FBXW12: variants seen among roughly 807,000 people sequenced by gnomAD.
FBXW12 encodes the protein F-box and WD repeat domain containing 12, also known as F-box/WD repeat-containing protein 12.
A neutral mutation model predicts 55.3 loss-of-function variants in FBXW12; 43 were observed. That is an observed-to-expected ratio of 0.78 (90% CI 0.61 to 1.00). The LOEUF (loss-of-function observed/expected upper bound fraction) is 1.00, where lower values mean the gene tolerates loss of function less well. Among genes scored for constraint, FBXW12 ranks in the 50% least tolerant of loss-of-function variants. FBXW12 has a pLI of 0.00. For missense variants in FBXW12, 524 were observed against 560.5 expected (o/e 0.93, Z 0.66); for synonymous variants, 184 against 203.8 (o/e 0.90, Z 0.83).
In FBXW12 at chr3:48,381,804, T is replaced by C. The variant is rs1313028757; in HGVS notation, c.1090T>C (p.Leu364=). ...MIVFTSGPYL[L]LFSITGFLLQ... Reference sequence around the variant, plus strand: ...TGTCTTTACCAGTGGACCATACTTGTTACTCTTCAGCATCACTGGCTTCCT... The same window carrying C: ...TGTCTTTACCAGTGGACCATACTTGCTACTCTTCAGCATCACTGGCTTCCT... Residue 364 remains leucine (L), a synonymous_variant, in exon 9 of 11, where the codon TTA becomes CTA. Coordinates refer to ENST00000296438, the MANE Select transcript of FBXW12 (RefSeq NM_207102.2). 6.2e-7 allele frequency: 1 copy of C among 1,612,412 alleles called. No individual in the cohort carries two copies. The highest frequency in any genetic ancestry group is 8.5e-7 in the Non-Finnish European group (1 of 1,178,746).
intron 6 of FBXW12, among the ~76,000 whole-genome samples, chr3:48,378,776 G>C (rs2036722699): frequency 1.3e-5 from 2 of 151,914 alleles, no homozygotes; most frequent in Admixed American, 6.6e-5. Context: ...CACCATGCCT[G>C]GCTAATTTTT....
chr3:48,376,295 T>C (rs2036685033), intron 5 of FBXW12, among the ~76,000 whole-genome samples: 1 of 152,176 alleles, frequency 6.6e-6, no homozygotes, highest in Non-Finnish European at 1.5e-5. Context: ...AATTTACTTT[T>C]TAATATGTGT....
At chr3:48,385,368 GTGTA>G (rs746944537) in intron 10 of FBXW12, among the ~76,000 whole-genome samples, 56 of 147,792 alleles carry the variant, frequency 3.8e-4, no homozygotes, top group African/African-American at 1.4e-3. Flanking sequence ...GTGTGTGTGT[GTGTA>G]TGTATCTACA....
Position 48,372,773 on chromosome 3 carries a change from G to A in FBXW12, c.6G>A (p.Glu2=), listed in dbSNP as rs765169889. Reference sequence around the variant, plus strand: ...GTGGGTTCAGGCCGCATGAAATGGAGATCCGATTGCCTGACTTAGCTTTGA... The same window carrying A: ...GTGGGTTCAGGCCGCATGAAATGGAAATCCGATTGCCTGACTTAGCTTTGA... M[E]IRLPDLALKR... The change falls in exon 2 of 11, where the codon GAG becomes GAA. Residue 2 remains glutamate, a synonymous_variant. Transcript: ENST00000296438. 2 of 1,614,216 alleles carry A rather than the reference G, an allele frequency of 1.2e-6. No homozygotes were observed. Among genetic ancestry groups the A allele is most frequent in the Non-Finnish European group, 1.7e-6 (2 of 1,180,040 alleles).
At chr3:48,389,953 G>A (rs1286139840) in intron 10 of FBXW12, among the ~76,000 whole-genome samples, 6 of 152,172 alleles carry the variant, frequency 3.9e-5, no homozygotes, top group African/African-American at 1.4e-4. Context: ...ATTGAATAGG[G>A]AGTCTTTACG....
Position 48,382,046 on chromosome 3 carries a change from G to C in FBXW12, c.1256G>C (p.Cys419Ser), listed in dbSNP as rs1475918124. 6.2e-7 allele frequency: 1 copy of C among 1,614,042 alleles called. No individual in the cohort carries two copies. Among genetic ancestry groups the C allele is most frequent in the Non-Finnish European group, 8.5e-7 (1 of 1,180,044 alleles). Residue 419 changes from cysteine to serine, a missense_variant, in exon 10 of 11, where the codon TGT becomes TCT. By Grantham distance (112) the Cys-to-Ser change is moderately radical (BLOSUM62 -1). Transcript: ENST00000296438. Reference protein sequence around the residue: ...GGRHPYLRSCCHLENTWHDHT... With the variant: ...GGRHPYLRSCSHLENTWHDHT... Reference sequence around the variant, plus strand: ...CGCCATCCATACCTCAGGAGCTGCTGTCACCTGGAAAACACGTGGCATGAT... The same window carrying C: ...CGCCATCCATACCTCAGGAGCTGCTCTCACCTGGAAAACACGTGGCATGAT...
chr3:48,378,476 C>T lies in FBXW12; in HGVS notation c.565C>T (p.Pro189Ser), dbSNP rs1480594969. ...TCTGGCTGTTCTCCCCATGCCACAG[C>T]CCTGTTATTGCATGGAAGCCTATCT... ...DALAVLPMPQ[P>S]CYCMEAYLTK... The change falls in exon 6 of 11, where the codon CCC becomes TCC. Residue 189 changes from proline (P) to serine (S), a missense_variant. Pro to Ser is a moderately conservative substitution (Grantham distance 74). Coordinates refer to ENST00000296438, the MANE Select transcript of FBXW12 (RefSeq NM_207102.2). The T allele has an allele frequency of 1.2e-6, 2 of 1,613,952 alleles. No homozygotes were observed. Among genetic ancestry groups the T allele is most frequent in the African/African-American group, 1.3e-5 (1 of 74,874 alleles).
At chr3:48,380,227 G>C (rs975188495) in intron 7 of FBXW12, 2 of 156,002 alleles carry the variant, frequency 1.3e-5, no homozygotes, top group African/African-American at 4.9e-5. Context: ...TGGCTGCAAA[G>C]TGTAGAGAAG....
chr3:48,381,631 T>G, intron 8 of FBXW12, 69 bp from the exon 9 acceptor site: 1 of 1,455,776 alleles, frequency 6.9e-7, no homozygotes, highest in Non-Finnish European at 9.2e-7. Context: ...AGGATATTAT[T>G]ATTCAATGAC....
intron 10 of FBXW12, 132 bp from the exon 11 acceptor site, chr3:48,394,428 C>T: frequency 6.7e-6 from 4 of 596,432 alleles, no homozygotes; most frequent in South Asian, 4.1e-5. Flanking sequence ...TATTCAAAAC[C>T]AAATCTAAGA....
In FBXW12 at chr3:48,372,982, G is replaced by C. The variant is rs1272429185; in HGVS notation, c.90+125G>C. The C allele has an allele frequency of 3.2e-6, 3 of 936,652 alleles. No individual in the cohort carries two copies. The African/African-American group carries it at 4.9e-5, about 15-fold the overall frequency. 58.0% of individuals were successfully genotyped at this position (936,652 alleles called of 1,614,324 possible). The stretch of plus-strand genomic sequence containing the variant: ...TGGGGGTTAGCATTCTTCATACTGA[G>C]GGCCTCATATTCTGTTAAACGAAAA... On this transcript the variant is annotated intron_variant, in intron 2 of 10. Coordinates refer to ENST00000296438, the MANE Select transcript of FBXW12 (RefSeq NM_207102.2).
chr3:48,378,944 G>A (rs2036725310), intron 6 of FBXW12, among the ~76,000 whole-genome samples: 1 of 152,150 alleles, frequency 6.6e-6, no homozygotes, highest in African/African-American at 2.4e-5. Flanking sequence ...GTCAATCACA[G>A]TATATCAATG....
chr3:48,376,173 G>A (rs2089435459), intron 5 of FBXW12, among the ~76,000 whole-genome samples: 1 of 151,766 alleles, frequency 6.6e-6, no homozygotes, highest in Non-Finnish European at 1.5e-5. Flanking sequence ...GTAGAGACGG[G>A]GTTTCGCCAT....
chr3:48,394,617 A>C lies in FBXW12; in HGVS notation c.1353A>C (p.Val451=). The change falls in exon 11 of 11, where the codon GTA becomes GTC. Residue 451 remains valine, a synonymous_variant. Transcript: ENST00000296438. ...GCATAGTACTTAGGGTGAGGAAAGT[A>C]AGTGACTCCAGCATTCTGGTGATGT... ...NASIVLRVRK[V]SDSSILVMYS... is the part of the protein sequence containing the mutation. 1 of 1,607,220 alleles carries C rather than the reference A, an allele frequency of 6.2e-7. No individual in the cohort carries two copies. The highest frequency in any genetic ancestry group is 1.1e-5 in the South Asian group (1 of 90,046).
chr3:48,375,381 C>T lies in FBXW12; in HGVS notation c.314C>T (p.Ser105Leu). 6.2e-7 allele frequency: 1 copy of T among 1,611,914 alleles called. No homozygotes were observed. Among genetic ancestry groups the T allele is most frequent in the African/African-American group, 1.3e-5 (1 of 74,884 alleles). The change falls in exon 5 of 11, where the codon TCA becomes TTA. Residue 105 changes from serine (S) to leucine (L), a missense_variant. Transcript: ENST00000296438. ...TTTGAGACGGAGTTGGCTTATCTCTCAGGAAATAGACTTACAGTGGATGAA... is the reference window on the plus strand; with the variant it reads ...TTTGAGACGGAGTTGGCTTATCTCTTAGGAAATAGACTTACAGTGGATGAA... ...IAFETELAYL[S>L]GNRLTVDEQE...
At position 48,394,682 on chromosome 3, in the gene FBXW12, C is replaced by T. The variant is rs1328479037; in HGVS notation, c.*23C>T. 8.2e-6 allele frequency: 10 copies of T among 1,216,834 alleles called. No homozygotes were observed. The highest frequency in any genetic ancestry group is 1.2e-5 in the Non-Finnish European group (10 of 835,558). The allele number at this position is 1,216,834 out of a possible 1,614,324, so 75.4% of individuals were successfully genotyped here. A position where few individuals can be genotyped will look rare whatever the true frequency, so the allele number is the denominator to read the frequency against. ...TAATATGGAAACTAACAAAATTGAC[C>T]TTGCATCATCTTCTGCAATGTAGTA... is the stretch of plus-strand genomic sequence containing the variant. On this transcript the variant is annotated 3_prime_UTR_variant, in exon 11 of 11. Coordinates refer to ENST00000296438, the MANE Select transcript of FBXW12 (RefSeq NM_207102.2).
In FBXW12 at chr3:48,381,839, A is replaced by G. The variant is rs747606595; in HGVS notation, c.1125A>G (p.Arg375=). The G allele has an allele frequency of 6.2e-7, 1 of 1,608,750 alleles. No homozygotes were observed. The highest frequency in any genetic ancestry group is 8.5e-7 in the Non-Finnish European group (1 of 1,176,272). The change falls in exon 9 of 11, where the codon CGA becomes CGG. Residue 375 remains arginine, a synonymous_variant. Coordinates refer to ENST00000296438, the MANE Select transcript of FBXW12 (RefSeq NM_207102.2). The part of the protein sequence containing the change: ...LFSITGFLLQ[R]FEDHQAAINN... ...GCATCACTGGCTTCCTGCTGCAACG[A>G]TTTGAGGACCATCAGGCAGCCATCA...
At chr3:48,392,769 T>C (rs1231586166) in intron 10 of FBXW12, among the ~76,000 whole-genome samples, 1 of 152,210 alleles carries the variant, frequency 6.6e-6, no homozygotes, top group East Asian at 1.9e-4. Context: ...CAAATCTCTA[T>C]ATCTCTCTAG....
At chr3:48,394,033 T>A (rs2036969974) in intron 10 of FBXW12, among the ~76,000 whole-genome samples, 2 of 151,862 alleles carry the variant, frequency 1.3e-5, no homozygotes, top group Non-Finnish European at 2.9e-5. Context: ...CACCTCGGCC[T>A]CCCAAAGTGC....
Sources: allele counts gnomAD v4.1 joint callset (sites outside exome capture counted in the v4.1 genomes callset), GRCh38; gene constraint gnomAD v4.1.1; transcripts MANE v1.5; gene names NCBI Gene and HGNC (gene_info 2026-07-23, HGNC 2026-07-21).